The following KCTD16 variants were observed in gnomAD, a reference collection of about 807,000 sequenced individuals.
KCTD16 encodes potassium channel tetramerization domain containing 16.
In KCTD16, 13 loss-of-function variants were observed where a neutral mutation model predicts 33.2. The ratio of observed to expected loss-of-function variants is 0.39; its 90% CI spans 0.25 to 0.62. KCTD16 has a LOEUF of 0.62. Ranked by LOEUF, KCTD16 falls within the 20% of genes least tolerant of loss-of-function variation. The pLI, the probability that KCTD16 is intolerant of heterozygous loss-of-function variation, is 0.50. For missense variants in KCTD16, 441 were observed against 525.1 expected, an observed-to-expected ratio of 0.84 and a Z score of 1.57; for synonymous variants, 197 against 195.3, an observed-to-expected ratio of 1.01 and a Z score of -0.07.
intron 3 of KCTD16, among the ~76,000 whole-genome samples, chr5:144,376,625 A>G (rs1388488626): frequency 6.6e-6 from 1 of 152,212 alleles, no homozygotes; most frequent in Non-Finnish European, 1.5e-5. Flanking sequence ...GAGATTCTTG[A>G]GAGAAGCGTC....
chr5:144,320,539 A>G (rs1003315005), intron 3 of KCTD16, among the ~76,000 whole-genome samples: 4 of 152,188 alleles, frequency 2.6e-5, no homozygotes, highest in Non-Finnish European at 4.4e-5. Context: ...AAACTGGCAT[A>G]TAAAACTTGT....
chr5:144,206,103 T>C (rs1753162105), intron 2 of KCTD16: 1 of 152,772 alleles, frequency 6.5e-6, no homozygotes, highest in Non-Finnish European at 1.5e-5. Flanking sequence ...ATTTGGAAGT[T>C]GAAAATTGCA....
At chr5:144,211,831 T>G (rs1302576138) in intron 3 of KCTD16, among the ~76,000 whole-genome samples, 1 of 152,134 alleles carries the variant, frequency 6.6e-6, no homozygotes, top group Non-Finnish European at 1.5e-5. Flanking sequence ...CCAGCATCTC[T>G]CTCTGTGACT....
At chr5:144,339,477 A>G (rs1466509206) in intron 3 of KCTD16, among the ~76,000 whole-genome samples, 2 of 151,862 alleles carry the variant, frequency 1.3e-5, no homozygotes, top group Non-Finnish European at 2.9e-5. Flanking sequence ...CCAAGCTTTC[A>G]TTTATGAACT....
intron 3 of KCTD16, among the ~76,000 whole-genome samples, chr5:144,426,434 CA>C (rs137950045): frequency 0.016 from 2,478 of 152,144 alleles, 31 homozygotes; most frequent in Middle Eastern, 0.048. Flanking sequence ...GCTTCATTTG[CA>C]AAAAATACAG....
chr5:144,459,824 CTTT>C lies in KCTD16; in HGVS notation c.833-13813_833-13811del, dbSNP rs70995051. Among the ~76,000 whole-genome samples the C allele has an allele frequency of 6.9e-4, 46 of 66,760 alleles. No homozygotes were observed. The East Asian group carries it at 0.014, about 20-fold the overall frequency. 43.8% of individuals were successfully genotyped at this position (66,760 alleles called of 152,430 possible). On this transcript the variant is annotated intron_variant, in intron 3 of 3. Transcript: ENST00000512467. ...CTCCTGTCTCCCTCTCCAATATCAT[CTTT>C]TTTTTTTTTTTTTTTTTTTTTTGAG...
At chr5:144,388,227 C>G (rs1752373754) in intron 3 of KCTD16, among the ~76,000 whole-genome samples, 1 of 151,206 alleles carries the variant, frequency 6.6e-6, no homozygotes, top group Non-Finnish European at 1.5e-5. Context: ...CTACAGGCGC[C>G]CGCCACCACG....
chr5:144,372,545 A>G (rs536933810), intron 3 of KCTD16, among the ~76,000 whole-genome samples: 1 of 152,306 alleles, frequency 6.6e-6, no homozygotes, highest in African/African-American at 2.4e-5. Context: ...ATGATATGTT[A>G]CAAGGTTCCA....
chr5:144,267,612 T>TA lies in KCTD16; in HGVS notation c.832+60067dup, dbSNP rs112990322. The stretch of plus-strand genomic sequence containing the variant: ...ATTTTCATTCTGCTTTCCATATCTG[T>TA]AGGTTGTATTTAGGGGTCAACATTT... On this transcript the variant is annotated intron_variant, in intron 3 of 3. Coordinates refer to ENST00000512467, the MANE Select transcript of KCTD16 (RefSeq NM_020768.4). 3.0e-3 allele frequency among the ~76,000 whole-genome samples: 464 copies of TA among 152,264 alleles called. 2 individuals are homozygous for TA. Among genetic ancestry groups the TA allele is most frequent in the African/African-American group, 0.011 (441 of 41,556 alleles).
chr5:144,476,899 G>T lies in KCTD16; in HGVS notation c.*2785G>T, dbSNP rs1754607023. 6.6e-6 allele frequency: 1 copy of T among 152,000 alleles called. No individual in the cohort carries two copies. The highest frequency in any genetic ancestry group is 2.1e-4 in the South Asian group (1 of 4,816). 9.4% of individuals were successfully genotyped at this position (152,000 alleles called of 1,614,324 possible). A position where few individuals can be genotyped will look rare whatever the true frequency, so the allele number is the denominator to read the frequency against. On this transcript the variant is annotated 3_prime_UTR_variant, in exon 4 of 4. Transcript: ENST00000512467. Reference sequence around the variant, plus strand: ...AATTCTGAAGAAAACAATATATATGGTTTACTTCTCGAACATTGGTTATGA... The same window carrying T: ...AATTCTGAAGAAAACAATATATATGTTTTACTTCTCGAACATTGGTTATGA...
chr5:144,305,842 T>C (rs905339654), intron 3 of KCTD16, among the ~76,000 whole-genome samples: 3 of 151,650 alleles, frequency 2.0e-5, no homozygotes, highest in Non-Finnish European at 4.4e-5. Context: ...AAAAAATAAA[T>C]AAAAAATAAG....
At chr5:144,380,712 G>A (rs1340705106) in intron 3 of KCTD16, among the ~76,000 whole-genome samples, 1 of 152,076 alleles carries the variant, frequency 6.6e-6, no homozygotes, top group Non-Finnish European at 1.5e-5. Flanking sequence ...AACAAGCAAT[G>A]GGGGAAAGAC....
chr5:144,297,054 G>A (rs1023411894), intron 3 of KCTD16, among the ~76,000 whole-genome samples: 1 of 152,194 alleles, frequency 6.6e-6, no homozygotes, highest in African/African-American at 2.4e-5. Flanking sequence ...AACGCAAGAT[G>A]TGCTTTAAAC....
chr5:144,431,751 T>A (rs1321746849), intron 3 of KCTD16, among the ~76,000 whole-genome samples: 1 of 152,160 alleles, frequency 6.6e-6, no homozygotes, highest in African/African-American at 2.4e-5. Flanking sequence ...ATTTTACTTG[T>A]TTTTATTCCG....
chr5:144,308,872 A>T (rs534850771), intron 3 of KCTD16, among the ~76,000 whole-genome samples: 1 of 151,904 alleles, frequency 6.6e-6, no homozygotes, highest in South Asian at 2.1e-4. Flanking sequence ...TTAATAGGGA[A>T]GAGTATTATA....
Position 144,474,773 on chromosome 5 carries a change from C to T in KCTD16, c.*659C>T, listed in dbSNP as rs1754559115. ...TAGAATATTTCAGATGGATGAGCTT[C>T]TGACTCTTTCTTAAAATTCTTTTGG... On this transcript the variant is annotated 3_prime_UTR_variant, in exon 4 of 4. Transcript: ENST00000512467. The T allele has an allele frequency of 6.6e-6, 1 of 152,318 alleles. No individual in the cohort carries two copies. Among genetic ancestry groups the T allele is most frequent in the Non-Finnish European group, 1.5e-5 (1 of 68,040 alleles). The allele number at this position is 152,318 out of a possible 1,614,324, so 9.4% of individuals were successfully genotyped here. A position where few individuals can be genotyped will look rare whatever the true frequency, so the allele number is the denominator to read the frequency against.
chr5:144,347,411 A>G (rs1315631966), intron 3 of KCTD16, among the ~76,000 whole-genome samples: 2 of 152,182 alleles, frequency 1.3e-5, no homozygotes, highest in African/African-American at 2.4e-5. Flanking sequence ...CCTGGCCAAC[A>G]TGGTGAAACC....
chr5:144,400,372 C>T (rs1046153738), intron 3 of KCTD16, among the ~76,000 whole-genome samples: 1 of 152,176 alleles, frequency 6.6e-6, no homozygotes, highest in Admixed American at 6.5e-5. Context: ...GGAAGCCAAT[C>T]AGGCAGAGTT....
At chr5:144,269,373 C>T (rs1197097088) in intron 3 of KCTD16, among the ~76,000 whole-genome samples, 2 of 151,864 alleles carry the variant, frequency 1.3e-5, no homozygotes, top group African/African-American at 4.8e-5. Flanking sequence ...ACAAGGGACC[C>T]TCCATATGAT....
Sources: gnomAD v4.1 joint callset for allele counts (sites outside exome capture counted in the v4.1 genomes callset) on GRCh38, gnomAD v4.1.1 for gene constraint, MANE v1.5 for transcripts, NCBI Gene and HGNC (gene_info 2026-07-23, HGNC 2026-07-21) for gene names.